The following ANKS3 variants were observed in gnomAD, a reference collection of about 807,000 sequenced individuals.
ANKS3 encodes the protein ankyrin repeat and sterile alpha motif domain containing 3, also known as ankyrin repeat and SAM domain-containing protein 3.
ANKS3 carries 62 observed loss-of-function variants against 80.7 expected under a neutral mutation model. The observed-to-expected ratio is 0.77, with a 90% confidence interval of 0.63 to 0.95. The LOEUF is 0.95. ANKS3 is among the 40% of genes least tolerant of loss of function. The probability of loss-of-function intolerance (pLI) is 0.00; values close to 1 mark genes in which losing one functional copy is unlikely to be tolerated. For missense variants in ANKS3, 1,150 were observed against 883.6 expected, an observed-to-expected ratio of 1.30 and a Z score of -3.82; for synonymous variants, 489 against 355.3, an observed-to-expected ratio of 1.38 and a Z score of -4.23.
rs2080651117 is a variant in ANKS3 at position 4,714,197 on chromosome 16, C to T, written c.574-11G>A. On this transcript the variant is annotated splice_polypyrimidine_tract_variant and intron_variant, in intron 6 of 17. Coordinates refer to ENST00000304283, the MANE Select transcript of ANKS3 (RefSeq NM_133450.4). ...GTCCACCTTGACTCCCTGTGAATGTCCGTGAAAGGGGGTTAGGGGCCTCTC... is the reference window on the plus strand; with the variant it reads ...GTCCACCTTGACTCCCTGTGAATGTTCGTGAAAGGGGGTTAGGGGCCTCTC... 3 of 1,613,592 alleles carry T rather than the reference C, an allele frequency of 1.9e-6. No homozygotes were observed. Among genetic ancestry groups the T allele is most frequent in the Admixed American group, 3.3e-5 (2 of 59,926 alleles).
intron 6 of ANKS3, among the ~76,000 whole-genome samples, chr16:4,721,782 C>G (rs1034318113): frequency 6.6e-6 from 1 of 150,872 alleles, no homozygotes; most frequent in Non-Finnish European, 1.5e-5. Flanking sequence ...GGGATTACAG[C>G]GTCAGCCACC....
Position 4,727,120 on chromosome 16 carries a change from G to A in ANKS3, c.228C>T (p.Ala76=). 14 of 1,614,196 alleles carry A rather than the reference G, an allele frequency of 8.7e-6. No homozygotes were observed. The highest frequency in any genetic ancestry group is 1.0e-5 in the Non-Finnish European group (12 of 1,180,032). ...CGATTGTGTCGTGGCCAATGTAGGAGGCATACATCAGCGGGGTCCAGCCAC... is the reference window on the plus strand; with the variant it reads ...CGATTGTGTCGTGGCCAATGTAGGAAGCATACATCAGCGGGGTCCAGCCAC... ...NGGGWTPLMY[A]SYIGHDTIVH... is the part of the protein sequence containing the mutation. The change falls in exon 4 of 18, where the codon GCC becomes GCT. Residue 76 remains alanine (A), a synonymous_variant. Coordinates refer to ENST00000304283, the MANE Select transcript of ANKS3 (RefSeq NM_133450.4).
At position 4,701,652 on chromosome 16, in the gene ANKS3, C is replaced by T. The variant is rs571417329; in HGVS notation, c.1010-109G>A. 5.2e-5 allele frequency: 47 copies of T among 900,980 alleles called. No homozygotes were observed. In the East Asian group the frequency reaches 7.3e-4, roughly 14 times the overall value. 55.8% of individuals were successfully genotyped at this position (900,980 alleles called of 1,614,324 possible). On this transcript the variant is annotated intron_variant, in intron 9 of 17. Coordinates refer to ENST00000304283, the MANE Select transcript of ANKS3 (RefSeq NM_133450.4). ...CCAGGGCACTCCTTGGGGCCTGCAG[C>T]GGTTGCTTCCTTATATTTCAAACTT...
chr16:4,716,442 C>G (rs2080800451), intron 6 of ANKS3, among the ~76,000 whole-genome samples: 1 of 151,378 alleles, frequency 6.6e-6, no homozygotes, highest in South Asian at 2.1e-4. Flanking sequence ...CCCGTTAGAC[C>G]AGGGGGCCTC....
At position 4,705,158 on chromosome 16, in the gene ANKS3, G is replaced by A; in HGVS notation, c.805C>T (p.Pro269Ser). ...RKKGVSIHEGPRALARITGIG... is the reference protein window; with the variant it reads ...RKKGVSIHEGSRALARITGIG... ...CCTGTGATCCTGGCCAGGGCTCGCGGTCCCTCGTGGATGCTGACACCCTTC... is the reference window on the plus strand; with the variant it reads ...CCTGTGATCCTGGCCAGGGCTCGCGATCCCTCGTGGATGCTGACACCCTTC... The change falls in exon 8 of 18, where the codon CCG becomes TCG. Residue 269 changes from proline (P) to serine (S), a missense_variant. Coordinates refer to ENST00000304283, the MANE Select transcript of ANKS3 (RefSeq NM_133450.4). 6.2e-7 allele frequency: 1 copy of A among 1,613,730 alleles called. No homozygotes were observed. The highest frequency in any genetic ancestry group is 8.5e-7 in the Non-Finnish European group (1 of 1,180,038).
At position 4,724,950 on chromosome 16, in the gene ANKS3, C is replaced by T. The variant is rs1002448546; in HGVS notation, c.492-119G>A. The stretch of plus-strand genomic sequence containing the variant: ...GTCACCGATCCCTAAGCGTAGAACA[C>T]TGTCCCTTTCCAGAATTAACAGGTG... On this transcript the variant is annotated intron_variant, in intron 5 of 17. Coordinates refer to ENST00000304283, the MANE Select transcript of ANKS3 (RefSeq NM_133450.4). The T allele has an allele frequency of 4.0e-6, 3 of 742,312 alleles. No individual in the cohort carries two copies. The South Asian group carries it at 5.4e-5, about 13-fold the overall frequency. The allele number at this position is 742,312 out of a possible 1,614,324, so 46.0% of individuals were successfully genotyped here.
At chr16:4,707,331 G>C (rs968497969) in intron 7 of ANKS3, among the ~76,000 whole-genome samples, 2 of 150,646 alleles carry the variant, frequency 1.3e-5, no homozygotes, top group African/African-American at 4.9e-5. Context: ...ACCTAGGCTG[G>C]AGTGCAGTGG....
rs939252385 is a variant in ANKS3 at position 4,730,594 on chromosome 16, C to T, written c.-2-443G>A. ...ATCAAAATTCAGCTTGGACCCGGTG[C>T]GGTGGCTCACACCTGTAATCCCAGC... On this transcript the variant is annotated intron_variant, in intron 2 of 17. Transcript: ENST00000304283. Among the ~76,000 whole-genome samples the T allele has an allele frequency of 3.3e-5, 5 of 152,106 alleles. No homozygotes were observed. The South Asian group carries it at 6.2e-4, about 19-fold the overall frequency.
chr16:4,734,144 C>T lies in ANKS3; in HGVS notation c.-277G>A, dbSNP rs970059093. ...CCGGCAAGTGCTGGGGCCGGGCCGC[C>T]GCGGAACCCACCTGTGCTGGGCCTC... is the stretch of plus-strand genomic sequence containing the variant. On this transcript the variant is annotated 5_prime_UTR_variant, in exon 1 of 18. Transcript: ENST00000304283. 3.0e-5 allele frequency: 17 copies of T among 559,358 alleles called. No homozygotes were observed. Among genetic ancestry groups the T allele is most frequent in the Non-Finnish European group, 3.6e-5 (16 of 440,566 alleles). 34.6% of individuals were successfully genotyped at this position (559,358 alleles called of 1,614,324 possible). A position where few individuals can be genotyped will look rare whatever the true frequency, so the allele number is the denominator to read the frequency against.
chr16:4,720,161 C>CAAA (rs34135519), intron 6 of ANKS3, among the ~76,000 whole-genome samples: 5 of 61,056 alleles, frequency 8.2e-5, no homozygotes, highest in African/African-American at 1.3e-4. Context: ...GACCCCACCC[C>CAAA]AAAAAAAAAA....
At chr16:4,715,455 G>C (rs1405496776) in intron 6 of ANKS3, among the ~76,000 whole-genome samples, 1 of 152,124 alleles carries the variant, frequency 6.6e-6, no homozygotes, top group African/African-American at 2.4e-5. Context: ...AATTAGCAGG[G>C]TGTGGCGGCA....
intron 7 of ANKS3, among the ~76,000 whole-genome samples, chr16:4,706,464 T>A (rs988734583): frequency 6.6e-6 from 1 of 152,184 alleles, no homozygotes; most frequent in Non-Finnish European, 1.5e-5. Context: ...CTCGATCTCC[T>A]GACCTTGTGA....
chr16:4,702,497 G>A (rs1053702015), intron 8 of ANKS3, among the ~76,000 whole-genome samples: 5 of 152,178 alleles, frequency 3.3e-5, no homozygotes, highest in African/African-American at 1.2e-4. Context: ...TCTTTTCCAA[G>A]GGGAAAACGT....
chr16:4,699,346 G>T, intron 11 of ANKS3, 170 bp from the exon 12 acceptor site: 2 of 897,658 alleles, frequency 2.2e-6, no homozygotes, highest in Non-Finnish European at 3.3e-6. Flanking sequence ...AGGGCAGGAT[G>T]TTGCAGGCAG....
chr16:4,726,511 G>C lies in ANKS3; in HGVS notation c.491+148C>G, dbSNP rs555978420. The C allele has an allele frequency of 4.0e-6, 3 of 758,334 alleles. No homozygotes were observed. The African/African-American group carries it at 5.3e-5, about 13-fold the overall frequency. The allele number at this position is 758,334 out of a possible 1,614,324, so 47.0% of individuals were successfully genotyped here. A position where few individuals can be genotyped will look rare whatever the true frequency, so the allele number is the denominator to read the frequency against. On this transcript the variant is annotated intron_variant, in intron 5 of 17. Transcript: ENST00000304283. Reference sequence around the variant, plus strand: ...AGATGTACGAAAAGGCCTGTGCCTGGAAGGACTCTGGTCCTACCCCTCATC... The same window carrying C: ...AGATGTACGAAAAGGCCTGTGCCTGCAAGGACTCTGGTCCTACCCCTCATC...
rs375402884 is a variant in ANKS3, at chr16:4,699,528, G to A, written c.1285-352C>T. 1.4e-3 allele frequency: 368 copies of A among 271,688 alleles called. 7 individuals are homozygous for A. In the South Asian group the frequency reaches 0.017, roughly 12 times the overall value. 16.8% of individuals were successfully genotyped at this position (271,688 alleles called of 1,614,324 possible). A position where few individuals can be genotyped will look rare whatever the true frequency, so the allele number is the denominator to read the frequency against. On this transcript the variant is annotated intron_variant, in intron 11 of 17. Transcript: ENST00000304283. ...CCTCTAATTCTAGAGTCTCAGTGTC[G>A]GATGTTCTGATTTCCACTTGTCTAA...
intron 7 of ANKS3, among the ~76,000 whole-genome samples, chr16:4,706,429 G>A (rs945146930): frequency 1.3e-5 from 2 of 151,894 alleles, no homozygotes; most frequent in Admixed American, 6.6e-5. Flanking sequence ...TAGAGACGGG[G>A]TTTCACCATG....
chr16:4,726,186 C>T (rs1228789534), intron 5 of ANKS3, among the ~76,000 whole-genome samples: 1 of 152,002 alleles, frequency 6.6e-6, no homozygotes. Context: ...CCATGTTAGC[C>T]AGGATGGTCT....
At chr16:4,697,873 G>A (rs2079659578) in intron 15 of ANKS3, 104 bp downstream of exon 15, 2 of 1,103,786 alleles carry the variant, frequency 1.8e-6, no homozygotes, top group Admixed American at 3.1e-5. Context: ...CTGGGAGAGT[G>A]GCTGCCGGCC....
Sources: gnomAD v4.1 joint callset for allele counts (sites outside exome capture counted in the v4.1 genomes callset) on GRCh38, gnomAD v4.1.1 for gene constraint, MANE v1.5 for transcripts, NCBI Gene and HGNC (gene_info 2026-07-23, HGNC 2026-07-21) for gene names.